Variants in BICD1 observed in about 807,000 individuals in gnomAD.
BICD1 encodes protein bicaudal D homolog 1.
BICD1 carries 35 observed loss-of-function variants against 92.5 expected under a neutral mutation model. That is an observed-to-expected ratio of 0.38 (90% CI 0.29 to 0.50). The LOEUF is 0.50. Among genes scored for constraint, BICD1 ranks in the 20% least tolerant of loss-of-function variants. The pLI is 0.93. For missense variants in BICD1, 950 were observed against 1,189.8 expected, an observed-to-expected ratio of 0.80 and a Z score of 2.97; for synonymous variants, 429 against 465.1, an observed-to-expected ratio of 0.92 and a Z score of 1.00.
In BICD1 at chr12:32,328,424, C is replaced by CG; in HGVS notation, c.1972dup (p.Glu658GlyfsTer7). Reference sequence around the variant, plus strand: ...ACTGTCTCGTCAAAGAGCAGCGGCTCGGGAGCTAGCCCCCATGATTGATAA... The same window carrying CG: ...ACTGTCTCGTCAAAGAGCAGCGGCTCGGGGAGCTAGCCCCCATGATTGATAA... On this transcript the variant is annotated frameshift_variant, in exon 5 of 10. Coordinates refer to ENST00000652176, the MANE Select transcript of BICD1 (RefSeq NM_001714.4). LOFTEE classifies it high-confidence loss of function. This position sits in a 1 kb window ranked among gnomAD's most constrained non-coding sequence, Gnocchi z 4.4. 2 of 1,614,138 alleles carry CG rather than the reference C, an allele frequency of 1.2e-6. No homozygotes were observed. The highest frequency in any genetic ancestry group is 1.7e-6 in the Non-Finnish European group (2 of 1,180,024).
At chr12:32,318,335 T>A (rs1411165584) in intron 4 of BICD1, among the ~76,000 whole-genome samples, 2 of 152,228 alleles carry the variant, frequency 1.3e-5, no homozygotes, top group African/African-American at 4.8e-5. Flanking sequence ...TGATTCTTCC[T>A]ACCCATGAGC....
intron 1 of BICD1, among the ~76,000 whole-genome samples, chr12:32,140,626 G>T (rs1056605370): frequency 1.3e-5 from 2 of 152,160 alleles, no homozygotes; most frequent in Non-Finnish European, 2.9e-5. Flanking sequence ...ATTGAAGGAA[G>T]TGCCATAGTG....
intron 2 of BICD1, among the ~76,000 whole-genome samples, chr12:32,235,018 C>G (rs1466728973): frequency 6.6e-6 from 1 of 152,160 alleles, no homozygotes; most frequent in Admixed American, 6.5e-5. Flanking sequence ...ACAATATATA[C>G]TATTCTCCAG....
intron 2 of BICD1, among the ~76,000 whole-genome samples, chr12:32,265,512 C>T (rs941083243): frequency 2.1e-5 from 3 of 143,482 alleles, no homozygotes; most frequent in African/African-American, 7.7e-5. Flanking sequence ...ATTTTAAGAT[C>T]AGCCTGGGAA....
In BICD1 at chr12:32,221,218, A is replaced by G. The variant is rs536041682; in HGVS notation, c.426+4759A>G. 3.3e-5 allele frequency among the ~76,000 whole-genome samples: 5 copies of G among 151,984 alleles called. No individual in the cohort carries two copies. In the South Asian group the frequency reaches 1.0e-3, roughly 32 times the overall value. On this transcript the variant is annotated intron_variant, in intron 2 of 9. Coordinates refer to ENST00000652176, the MANE Select transcript of BICD1 (RefSeq NM_001714.4). ...TGTAACTAACCTGCACATTGTGCAC[A>G]TGTGCCCTAAAACTTTAAGTATAAT...
Position 32,269,280 on chromosome 12 carries a change from TTAAAA to T in BICD1, c.427-24709_427-24705del, listed in dbSNP as rs534450032. On this transcript the variant is annotated intron_variant, in intron 2 of 9. Coordinates refer to ENST00000652176, the MANE Select transcript of BICD1 (RefSeq NM_001714.4). ...AAATAGGCACATGAATATTTTGAAC[TTAAAA>T]TAAATGTTTCAGTGATTTTTATTAA... Among the ~76,000 whole-genome samples, 15 of 152,350 alleles carry T rather than the reference TTAAAA, an allele frequency of 9.8e-5. No individual in the cohort carries two copies. The East Asian group carries it at 2.7e-3, about 27-fold the overall frequency.
intron 2 of BICD1, among the ~76,000 whole-genome samples, chr12:32,248,872 T>C (rs2136100089): frequency 6.6e-6 from 1 of 152,282 alleles, no homozygotes; most frequent in East Asian, 1.9e-4. Flanking sequence ...AAGGCACAAA[T>C]TCCTGGCGGC....
rs80077891 is a variant in BICD1, at chr12:32,323,953, T to C, written c.1006-3508T>C. Among the ~76,000 whole-genome samples, 6 of 152,352 alleles carry C rather than the reference T, an allele frequency of 3.9e-5. No individual in the cohort carries two copies. The South Asian group carries it at 1.2e-3, about 32-fold the overall frequency. On this transcript the variant is annotated intron_variant, in intron 4 of 9. Transcript: ENST00000652176. Reference sequence around the variant, plus strand: ...TATAGTAAAACTACTTAGTACTTCATAATTTAAAACATTAGGAATATTGAG... The same window carrying C: ...TATAGTAAAACTACTTAGTACTTCACAATTTAAAACATTAGGAATATTGAG...
chr12:32,160,011 G>A (rs1943554539), intron 1 of BICD1, among the ~76,000 whole-genome samples: 1 of 113,246 alleles, frequency 8.8e-6, no homozygotes, highest in Non-Finnish European at 2.2e-5. Context: ...AACTCTCTAA[G>A]CCTCAAATTT....
rs1260237976 is a variant in BICD1, at chr12:32,208,636, T to C, written c.214-7611T>C. ...AAACTGGTTTCTCCTGGCTGGGTACTTCTGAGTTGCCTGGCCTCCTGTGAG... is the reference window on the plus strand; with the variant it reads ...AAACTGGTTTCTCCTGGCTGGGTACCTCTGAGTTGCCTGGCCTCCTGTGAG... On this transcript the variant is annotated intron_variant, in intron 1 of 9. Coordinates refer to ENST00000652176, the MANE Select transcript of BICD1 (RefSeq NM_001714.4). Among the ~76,000 whole-genome samples the C allele has an allele frequency of 1.2e-4, 18 of 152,262 alleles. No homozygotes were observed. In the East Asian group the frequency reaches 3.3e-3, roughly 28 times the overall value.
At chr12:32,123,648 G>A (rs891655820) in intron 1 of BICD1, among the ~76,000 whole-genome samples, 4 of 152,184 alleles carry the variant, frequency 2.6e-5, no homozygotes, top group South Asian at 4.1e-4. Flanking sequence ...AGGCTGAGGC[G>A]GGCGGATCAC....
rs562253827 is a variant in BICD1, at chr12:32,375,390, C to G, written c.2841-2150C>G. Among the ~76,000 whole-genome samples the G allele has an allele frequency of 7.2e-4, 109 of 152,138 alleles. 3 individuals carry two copies. The South Asian group carries it at 0.022, about 30-fold the overall frequency. Reference sequence around the variant, plus strand: ...CTAAAAATACAAAAAATTAGCCGGACGCGGTGGTGGGCCCTTGTAATCCCA... The same window carrying G: ...CTAAAAATACAAAAAATTAGCCGGAGGCGGTGGTGGGCCCTTGTAATCCCA... On this transcript the variant is annotated intron_variant, in intron 9 of 9. Coordinates refer to ENST00000652176, the MANE Select transcript of BICD1 (RefSeq NM_001714.4).
chr12:32,199,785 A>C (rs1010506586), intron 1 of BICD1, among the ~76,000 whole-genome samples: 2 of 152,004 alleles, frequency 1.3e-5, no homozygotes, highest in African/African-American at 4.8e-5. Context: ...AGGTTTGGGG[A>C]GTTCCTTCAG....
chr12:32,340,345 A>T (rs1938315461), intron 8 of BICD1: 1 of 985,288 alleles, frequency 1.0e-6, no homozygotes, highest in Admixed American at 6.2e-5. Context: ...TTAATTTCAT[A>T]ACTGATTTCC....
intron 1 of BICD1, among the ~76,000 whole-genome samples, chr12:32,179,835 C>A (rs573947866): frequency 9.8e-4 from 148 of 151,584 alleles, no homozygotes; most frequent in African/African-American, 3.3e-3. Flanking sequence ...ACTAAAAGTA[C>A]AAAAATTAGC....
At chr12:32,168,407 G>A (rs1047836067) in intron 1 of BICD1, among the ~76,000 whole-genome samples, 3 of 152,134 alleles carry the variant, frequency 2.0e-5, no homozygotes, top group Admixed American at 6.5e-5. Flanking sequence ...AAGCAGATGA[G>A]GGTCCAGGGC....
intron 4 of BICD1, among the ~76,000 whole-genome samples, chr12:32,309,340 A>C (rs1948316366): frequency 6.6e-6 from 1 of 152,204 alleles, no homozygotes; most frequent in Non-Finnish European, 1.5e-5. Flanking sequence ...ATGTACTTTA[A>C]GTATAGCTAT....
rs142344155 is a variant in BICD1, at chr12:32,343,436, T to C, written c.2764+4457T>C. 1.9e-3 allele frequency among the ~76,000 whole-genome samples: 290 copies of C among 152,258 alleles called. 2 individuals are homozygous for C. Among genetic ancestry groups the C allele is most frequent in the African/African-American group, 6.5e-3 (271 of 41,552 alleles). ...TGTCAGAATACGTAAAGGGAATCCA[T>C]GTAATTCACAGGCGGGAGTTGTTAT... On this transcript the variant is annotated intron_variant, in intron 8 of 9. Transcript: ENST00000652176.
intron 1 of BICD1, among the ~76,000 whole-genome samples, chr12:32,176,742 G>A (rs1323182030): frequency 6.6e-6 from 1 of 152,134 alleles, no homozygotes; most frequent in East Asian, 1.9e-4. Flanking sequence ...GTTTATCTCA[G>A]TTGTTTGTTC....
Sources: allele counts gnomAD v4.1 joint callset (sites outside exome capture counted in the v4.1 genomes callset), GRCh38; gene constraint gnomAD v4.1.1; non-coding constraint Gnocchi (gnomAD v3.1); transcripts MANE v1.5; gene names NCBI Gene and HGNC (gene_info 2026-07-23, HGNC 2026-07-21).